GRID2: variants seen among roughly 807,000 people sequenced by gnomAD.
GRID2 encodes glutamate receptor ionotropic, delta-2.
Under a neutral mutation model 114.8 loss-of-function variants are expected in GRID2, and 33 were observed. The observed-to-expected ratio is 0.29, with a 90% confidence interval of 0.22 to 0.38. GRID2 has a LOEUF of 0.38. Among genes scored for constraint, GRID2 ranks in the 10% least tolerant of loss-of-function variants. The probability of loss-of-function intolerance (pLI) is 1.00; values close to 1 mark genes in which losing one functional copy is unlikely to be tolerated. For missense variants in GRID2, 1,184 were observed against 1,257.7 expected, an observed-to-expected ratio of 0.94 and a Z score of 0.89; for synonymous variants, 505 against 449.9, an observed-to-expected ratio of 1.12 and a Z score of -1.55.
intron 2 of GRID2, among the ~76,000 whole-genome samples, chr4:92,733,336 C>A (rs772693738): frequency 6.6e-6 from 1 of 152,048 alleles, no homozygotes; most frequent in Non-Finnish European, 1.5e-5. Context: ...TTTTCTGTTA[C>A]CTTTATACTT....
At position 93,385,949 on chromosome 4, in the gene GRID2, T is replaced by C. The variant is rs1190034856; in HGVS notation, c.1246-9658T>C. On this transcript the variant is annotated intron_variant, in intron 8 of 15. Transcript: ENST00000282020. ...TTGAGTTAGATATGTATTCACAAAA[T>C]CTACCATACTGTCCATATATGTTAG... Among the ~76,000 whole-genome samples the C allele has an allele frequency of 2.6e-5, 4 of 152,192 alleles. No individual in the cohort carries two copies. The South Asian group carries it at 8.3e-4, about 31-fold the overall frequency.
chr4:93,555,342 A>T (rs2149551417), intron 13 of GRID2, among the ~76,000 whole-genome samples: 1 of 152,286 alleles, frequency 6.6e-6, no homozygotes, highest in East Asian at 1.9e-4. Context: ...GGAGCCCAGC[A>T]AGCTGAGATC....
At chr4:93,122,342 C>T (rs936712716) in intron 4 of GRID2, among the ~76,000 whole-genome samples, 2 of 152,042 alleles carry the variant, frequency 1.3e-5, no homozygotes, top group African/African-American at 4.8e-5. Flanking sequence ...ATCAGTGTGT[C>T]TAAATGGAAA....
chr4:92,598,565 A>G (rs1729059464), intron 2 of GRID2, among the ~76,000 whole-genome samples: 1 of 152,078 alleles, frequency 6.6e-6, no homozygotes, highest in Non-Finnish European at 1.5e-5. Context: ...TAGCCCATGG[A>G]ATTAGATACC....
At chr4:92,315,155 A>G (rs1052636299) in intron 1 of GRID2, among the ~76,000 whole-genome samples, 5 of 152,184 alleles carry the variant, frequency 3.3e-5, no homozygotes, top group African/African-American at 1.2e-4. Flanking sequence ...AAATAATAAT[A>G]TCTGTACTAA....
intron 8 of GRID2, among the ~76,000 whole-genome samples, chr4:93,355,679 C>T (rs571858519): frequency 6.6e-6 from 1 of 152,108 alleles, no homozygotes; most frequent in East Asian, 1.9e-4. Context: ...CACCTTTAGT[C>T]CATAGACTGA....
At chr4:93,349,304 G>C (rs760169582) in intron 8 of GRID2, among the ~76,000 whole-genome samples, 4 of 152,012 alleles carry the variant, frequency 2.6e-5, no homozygotes, top group Non-Finnish European at 4.4e-5. Context: ...TCTATAAAAT[G>C]AGCTCTCTAA....
chr4:93,593,337 A>G (rs1738620272), intron 13 of GRID2, among the ~76,000 whole-genome samples: 1 of 139,476 alleles, frequency 7.2e-6, no homozygotes, highest in Non-Finnish European at 1.6e-5. Context: ...TGGATATGAA[A>G]TTCTGGGTTG....
At chr4:93,315,434 A>T (rs1439873485) in intron 8 of GRID2, among the ~76,000 whole-genome samples, 1 of 152,042 alleles carries the variant, frequency 6.6e-6, no homozygotes, top group Non-Finnish European at 1.5e-5. Flanking sequence ...CCACCATTCT[A>T]TTCTGTTTCT....
intron 1 of GRID2, among the ~76,000 whole-genome samples, chr4:92,460,817 CA>C (rs1458564017): frequency 6.6e-6 from 1 of 151,686 alleles, no homozygotes; most frequent in Non-Finnish European, 1.5e-5. Flanking sequence ...TTTTCTTTTT[CA>C]AAAGACATAT....
chr4:92,905,658 C>T (rs1437168534), intron 2 of GRID2, among the ~76,000 whole-genome samples: 1 of 147,014 alleles, frequency 6.8e-6, no homozygotes, highest in Non-Finnish European at 1.5e-5. Context: ...TATTTACTTT[C>T]AATTAATTTA....
At chr4:93,172,791 A>G (rs1188725299) in intron 4 of GRID2, among the ~76,000 whole-genome samples, 2 of 152,192 alleles carry the variant, frequency 1.3e-5, no homozygotes, top group Non-Finnish European at 2.9e-5. Flanking sequence ...CTTTAATTGC[A>G]CCAAGACCAA....
chr4:92,411,471 G>C (rs1430101739), intron 1 of GRID2, among the ~76,000 whole-genome samples: 1 of 151,422 alleles, frequency 6.6e-6, no homozygotes, highest in Non-Finnish European at 1.5e-5. Context: ...TATTCTTAAC[G>C]TTCTTTCATT....
chr4:93,224,516 A>G (rs1745264120), intron 6 of GRID2, 98 bp from the exon 7 acceptor site: 1 of 724,650 alleles, frequency 1.4e-6, no homozygotes, highest in Non-Finnish European at 2.3e-6. Context: ...CCAGCCATGT[A>G]TGACATGAAC....
intron 1 of GRID2, among the ~76,000 whole-genome samples, chr4:92,504,007 A>G (rs1327205806): frequency 6.6e-6 from 1 of 152,110 alleles, no homozygotes. Context: ...AAATTTATAT[A>G]TCATTTCAAG....
intron 4 of GRID2, among the ~76,000 whole-genome samples, chr4:93,121,487 A>C (rs956386854): frequency 1.2e-4 from 19 of 152,206 alleles, no homozygotes; most frequent in African/African-American, 4.6e-4. Flanking sequence ...TGAAGTTTGT[A>C]GAAAAAATTC....
chr4:92,890,630 T>C (rs189652962), intron 2 of GRID2, among the ~76,000 whole-genome samples: 90 of 152,222 alleles, frequency 5.9e-4, no homozygotes, highest in African/African-American at 2.0e-3. Context: ...CTGGAGAGGA[T>C]GAGGAGAAAT....
chr4:92,949,589 A>C (rs1177297677), intron 2 of GRID2, among the ~76,000 whole-genome samples: 1 of 151,660 alleles, frequency 6.6e-6, no homozygotes, highest in Non-Finnish European at 1.5e-5. Flanking sequence ...AAGAAAATAG[A>C]AAAAGTAATT....
chr4:92,869,173 C>T (rs558686894), intron 2 of GRID2, among the ~76,000 whole-genome samples: 4 of 152,140 alleles, frequency 2.6e-5, no homozygotes, highest in Admixed American at 6.5e-5. Context: ...GATTACATCC[C>T]GCTTACAGTA....
Sources: gnomAD v4.1 joint callset for allele counts (sites outside exome capture counted in the v4.1 genomes callset) on GRCh38, gnomAD v4.1.1 for gene constraint, MANE v1.5 for transcripts, NCBI Gene and HGNC (gene_info 2026-07-23, HGNC 2026-07-21) for gene names.